Variants in TMEM38A observed in about 807,000 individuals in gnomAD.
The protein encoded by TMEM38A is trimeric intracellular cation channel type A.
Under a neutral mutation model 28.6 loss-of-function variants are expected in TMEM38A, and 17 were observed. The observed-to-expected ratio is 0.60, with a 90% CI of 0.41 to 0.89. The LOEUF is 0.89. Ranked by LOEUF, TMEM38A falls within the 40% of genes least tolerant of loss-of-function variation. The probability of loss-of-function intolerance (pLI) is 0.00; values close to 1 mark genes in which losing one functional copy is unlikely to be tolerated. For synonymous variants in TMEM38A, 169 were observed against 166.1 expected (o/e 1.02, Z -0.14); for missense variants, 328 against 393.1 (o/e 0.83, Z 1.40).
At chr19:16,672,446 A>ATTTTTTTTTTTTTTTT (rs746189021) in intron 1 of TMEM38A, among the ~76,000 whole-genome samples, 1 of 105,024 alleles carries the variant, frequency 9.5e-6, no homozygotes, top group African/African-American at 4.3e-5. Context: ...AAAAAACCTC[A>ATTTTTTTTTTTTTTTT]TTTTTTTTTT....
At chr19:16,677,129 C>G (rs969265650) in intron 1 of TMEM38A, among the ~76,000 whole-genome samples, 10 of 149,450 alleles carry the variant, frequency 6.7e-5, no homozygotes, top group African/African-American at 2.5e-4. Context: ...ATGGGGTTTT[C>G]AAGCCCCCTT....
intron 1 of TMEM38A, among the ~76,000 whole-genome samples, chr19:16,677,263 A>T (rs2086756088): frequency 6.6e-6 from 1 of 152,184 alleles, no homozygotes; most frequent in Non-Finnish European, 1.5e-5. Context: ...ATGACATCTT[A>T]TGTAATGATA....
chr19:16,662,846 A>C lies in TMEM38A; in HGVS notation c.124+1505A>C, dbSNP rs185176357. On this transcript the variant is annotated intron_variant, in intron 1 of 5. Coordinates refer to ENST00000187762, the MANE Select transcript of TMEM38A (RefSeq NM_024074.4). ...CACATGCCAGAGCCTATTTTCTTAAAAGCTATCCTGGAGAACATTACTTTG... is the reference window on the plus strand; with the variant it reads ...CACATGCCAGAGCCTATTTTCTTAACAGCTATCCTGGAGAACATTACTTTG... Among the ~76,000 whole-genome samples, 481 of 152,114 alleles carry C rather than the reference A, an allele frequency of 3.2e-3. 6 individuals carry two copies. Among genetic ancestry groups the C allele is most frequent in the African/African-American group, 0.011 (460 of 41,492 alleles).
intron 1 of TMEM38A, among the ~76,000 whole-genome samples, chr19:16,674,122 T>C (rs984124528): frequency 4.7e-5 from 7 of 148,084 alleles, no homozygotes; most frequent in Admixed American, 4.7e-4. Context: ...CTGTGGTTCA[T>C]GCCTGTAATC....
Position 16,686,312 on chromosome 19 carries a change from A to C in TMEM38A, c.579A>C (p.Gly193=). Residue 193 remains glycine (G), a synonymous_variant, in exon 5 of 6, where the codon GGA becomes GGC. Coordinates refer to ENST00000187762, the MANE Select transcript of TMEM38A (RefSeq NM_024074.4). ...MSFPTKASLY[G]AILFTLQQTR... is the part of the protein sequence containing the mutation. ...GCCCCACCAAGGCCAGCCTGTATGG[A>C]GCCATCCTCTTCACCCTCCAGCAGA... 6.2e-7 allele frequency: 1 copy of C among 1,612,782 alleles called. No homozygotes were observed. The highest frequency in any genetic ancestry group is 8.5e-7 in the Non-Finnish European group (1 of 1,179,926).
intron 1 of TMEM38A, among the ~76,000 whole-genome samples, chr19:16,671,223 T>TTTTTTTTTTTG (rs2086726256): frequency 3.3e-5 from 4 of 122,704 alleles, no homozygotes; most frequent in African/African-American, 6.9e-5. Context: ...TTTTTTTTTT[T>TTTTTTTTTTTG]GAGGCGGAGT....
chr19:16,663,014 C>T (rs1230061406), intron 1 of TMEM38A, among the ~76,000 whole-genome samples: 2 of 151,922 alleles, frequency 1.3e-5, no homozygotes, highest in Non-Finnish European at 2.9e-5. Flanking sequence ...GGCACAGTGG[C>T]TCACGCCTGT....
chr19:16,679,057 G>A (rs2086765956), intron 1 of TMEM38A, among the ~76,000 whole-genome samples: 1 of 151,420 alleles, frequency 6.6e-6, no homozygotes, highest in African/African-American at 2.4e-5. Flanking sequence ...TCTGAGGCAG[G>A]AGGATCGCTT....
At chr19:16,681,964 T>C (rs1479151515) in intron 3 of TMEM38A, among the ~76,000 whole-genome samples, 1 of 152,198 alleles carries the variant, frequency 6.6e-6, no homozygotes, top group Non-Finnish European at 1.5e-5. Flanking sequence ...AGTCTTCTTA[T>C]TGTCTCTCCA....
chr19:16,679,909 C>T, intron 1 of TMEM38A, 75 bp from the exon 2 acceptor site: 1 of 1,476,480 alleles, frequency 6.8e-7, no homozygotes, highest in Non-Finnish European at 9.1e-7. Context: ...TTAGGATAGG[C>T]TGACCAGAGC....
At chr19:16,678,876 C>CGGT (rs759431914) in intron 1 of TMEM38A, among the ~76,000 whole-genome samples, 2 of 149,718 alleles carry the variant, frequency 1.3e-5, no homozygotes, top group Non-Finnish European at 3.0e-5. Context: ...AGGCTGGGCA[C>CGGT]GGTGACTCAT....
At position 16,688,998 on chromosome 19, in the gene TMEM38A, T is replaced by C. The variant is rs911532015; in HGVS notation, c.*627T>C. ...ATAAGACCTGTCTCCAGCAAGACCC[T>C]GTCTCAAAAAAAAAAAAAAAAATTG... On this transcript the variant is annotated 3_prime_UTR_variant, in exon 6 of 6. Coordinates refer to ENST00000187762, the MANE Select transcript of TMEM38A (RefSeq NM_024074.4). 2 of 70,140 alleles carry C rather than the reference T, an allele frequency of 2.9e-5. No individual in the cohort carries two copies. Among genetic ancestry groups the C allele is most frequent in the African/African-American group, 1.1e-4 (2 of 18,546 alleles). 4.3% of individuals were successfully genotyped at this position (70,140 alleles called of 1,614,324 possible).
At position 16,688,369 on chromosome 19, in the gene TMEM38A, TA is replaced by T. The variant is rs777693879; in HGVS notation, c.899del (p.Ter300TrpfsTer63). 2.5e-6 allele frequency: 4 copies of T among 1,578,414 alleles called. 1 individual carries two copies. The South Asian group carries it at 3.5e-5, about 14-fold the overall frequency. ...SRKKKAKKAD[*>X] ...GAAGAAGAAGGCCAAGAAGGCGGAT[TA>T]GGGGGTGGCCCAAGGGGCACCGGGG... On this transcript the variant is annotated frameshift_variant and stop_lost, in exon 6 of 6. Transcript: ENST00000187762. LOFTEE classifies it high-confidence loss of function.
In TMEM38A at chr19:16,685,934, G is replaced by A. The variant is rs139967129; in HGVS notation, c.555-354G>A. ...TATAATCCCAGCACTTTGGGAGGCCGAGCAGATCACTTGAGGCCAGGAGTT... is the reference window on the plus strand; with the variant it reads ...TATAATCCCAGCACTTTGGGAGGCCAAGCAGATCACTTGAGGCCAGGAGTT... On this transcript the variant is annotated intron_variant, in intron 4 of 5. Coordinates refer to ENST00000187762, the MANE Select transcript of TMEM38A (RefSeq NM_024074.4). Among the ~76,000 whole-genome samples the A allele has an allele frequency of 5.2e-3, 785 of 152,332 alleles. 3 individuals are homozygous for A. Among genetic ancestry groups the A allele is most frequent in the African/African-American group, 0.018 (756 of 41,580 alleles).
rs2086681587 is a variant in TMEM38A at position 16,661,770 on chromosome 19, A to ATG, written c.124+430_124+431insGT. Among the ~76,000 whole-genome samples the ATG allele has an allele frequency of 6.6e-6, 1 of 151,026 alleles. No individual in the cohort carries two copies. Among genetic ancestry groups the ATG allele is most frequent in the South Asian group, 2.1e-4 (1 of 4,782 alleles). On this transcript the variant is annotated intron_variant, in intron 1 of 5. Transcript: ENST00000187762. This position sits in a 1 kb window ranked among gnomAD's most constrained non-coding sequence, Gnocchi z 6.5. ...GATTGAGAGCGCCAGCGGAGTGTCT[A>ATG]TAAGGGCCACTGCGCTGGGGGCTGC...
intron 1 of TMEM38A, among the ~76,000 whole-genome samples, chr19:16,663,679 C>T (rs2086691929): frequency 6.6e-6 from 1 of 151,762 alleles, no homozygotes; most frequent in Admixed American, 6.6e-5. Context: ...CAGGCGCCCA[C>T]CACCATGCCC....
rs543934996 is a variant in TMEM38A, at chr19:16,673,234, A to G, written c.125-6750A>G. On this transcript the variant is annotated intron_variant, in intron 1 of 5. Transcript: ENST00000187762. ...GTAGCTGGGATTACAGGCACCTGCC[A>G]CCATGCCTGGCTAATTTTTGTATTT... Among the ~76,000 whole-genome samples, 95 of 152,148 alleles carry G rather than the reference A, an allele frequency of 6.2e-4. 2 individuals carry two copies. The highest frequency in any genetic ancestry group is 1.5e-4 in the Non-Finnish European group (10 of 67,998).
chr19:16,669,057 C>A (rs1490153691), intron 1 of TMEM38A, among the ~76,000 whole-genome samples: 1 of 149,146 alleles, frequency 6.7e-6, no homozygotes, highest in South Asian at 2.1e-4. Context: ...CTCGAACTCC[C>A]GACCTCAGGT....
chr19:16,673,493 C>T (rs1021245642), intron 1 of TMEM38A, among the ~76,000 whole-genome samples: 6 of 152,174 alleles, frequency 3.9e-5, no homozygotes, highest in African/African-American at 1.4e-4. Context: ...AAACATCTTC[C>T]TTCTCTAAGT....
Sources: gnomAD v4.1 joint callset for allele counts (sites outside exome capture counted in the v4.1 genomes callset) on GRCh38, gnomAD v4.1.1 for gene constraint, Gnocchi (gnomAD v3.1) non-coding constraint, MANE v1.5 for transcripts, NCBI Gene and HGNC (gene_info 2026-07-23, HGNC 2026-07-21) for gene names.